RHOBTB1: variants seen among roughly 807,000 people sequenced by gnomAD.
RHOBTB1 encodes Rho related BTB domain containing 1.
RHOBTB1 carries 40 observed loss-of-function variants against 71.6 expected under a neutral mutation model. That is an observed-to-expected ratio of 0.56 (90% CI 0.43 to 0.73). The LOEUF is 0.73. Among genes scored for constraint, RHOBTB1 ranks in the 30% least tolerant of loss-of-function variants. The probability of loss-of-function intolerance (pLI) is 0.00; values close to 1 mark genes in which losing one functional copy is unlikely to be tolerated. For missense variants in RHOBTB1, 797 were observed against 894.0 expected (o/e 0.89, Z 1.38); for synonymous variants, 319 against 334.9 (o/e 0.95, Z 0.52).
Position 60,893,000 on chromosome 10 carries a change from A to G in RHOBTB1, c.297-5T>C. On this transcript the variant is annotated splice_polypyrimidine_tract_variant and splice_region_variant and intron_variant, in intron 4 of 10. Coordinates refer to ENST00000337910, the MANE Select transcript of RHOBTB1 (RefSeq NM_014836.5). ...CAGAGGACCACAACATCAGACCTAA[A>G]AGGAAATCATAAAAGAAGCTTGTAT... 1 of 1,606,288 alleles carries G rather than the reference A, an allele frequency of 6.2e-7. No individual in the cohort carries two copies. Among genetic ancestry groups the G allele is most frequent in the South Asian group, 1.1e-5 (1 of 89,670 alleles).
At chr10:60,861,479 T>C in the RHOBTB1 span, among the ~76,000 whole-genome samples, 1 of 152,164 alleles carries the variant, frequency 6.6e-6, no homozygotes, top group Non-Finnish European at 1.5e-5. Flanking sequence ...ATCTTTAACC[T>C]GGCAGGCTTT....
chr10:60,938,294 T>C (rs1197042336), intron 2 of RHOBTB1, among the ~76,000 whole-genome samples: 11 of 152,204 alleles, frequency 7.2e-5, no homozygotes, highest in Admixed American at 2.0e-4. Context: ...TCAGGCTACA[T>C]TGGAAGATTT....
intron 1 of RHOBTB1, among the ~76,000 whole-genome samples, chr10:60,998,554 G>T (rs1221715558): frequency 6.6e-6 from 1 of 152,158 alleles, no homozygotes; most frequent in African/African-American, 2.4e-5. Context: ...AAGGTGTTCA[G>T]AAGAAGACTC....
At chr10:60,923,090 T>C (rs927933200) in intron 2 of RHOBTB1, among the ~76,000 whole-genome samples, 3 of 152,226 alleles carry the variant, frequency 2.0e-5, no homozygotes, top group Non-Finnish European at 4.4e-5. Context: ...ACAGAGCCTA[T>C]GGTTATCCAA....
chr10:60,912,475 T>G (rs1030861498), intron 2 of RHOBTB1, among the ~76,000 whole-genome samples: 1 of 151,882 alleles, frequency 6.6e-6, no homozygotes, highest in African/African-American at 2.4e-5. Context: ...TCAAGTGATC[T>G]CCCCACCTTG....
At chr10:60,882,211 A>T (rs1366609949) in intron 7 of RHOBTB1, among the ~76,000 whole-genome samples, 1 of 152,068 alleles carries the variant, frequency 6.6e-6, no homozygotes, top group Non-Finnish European at 1.5e-5. Flanking sequence ...CTTAAAAAAA[A>T]AAAAAGAGTG....
chr10:60,875,058 G>T lies in RHOBTB1; in HGVS notation c.1727-16C>A. On this transcript the variant is annotated splice_polypyrimidine_tract_variant and intron_variant, in intron 8 of 10. Coordinates refer to ENST00000337910, the MANE Select transcript of RHOBTB1 (RefSeq NM_014836.5). ...GCATGCTGTTCTGGGGAAGAGAGAG[G>T]GGGCAGGAGAACATTAAACCACGCC... 1 of 1,608,274 alleles carries T rather than the reference G, an allele frequency of 6.2e-7. No homozygotes were observed. The highest frequency in any genetic ancestry group is 8.5e-7 in the Non-Finnish European group (1 of 1,174,766).
At chr10:60,947,957 T>C (rs1212845582), upstream of RHOBTB1, among the ~76,000 whole-genome samples, 1 of 152,210 alleles carries the variant, frequency 6.6e-6, no homozygotes, top group African/African-American at 2.4e-5. Flanking sequence ...GATCTCCACA[T>C]CCTCACTAGC....
At chr10:60,972,644 C>G (rs1373576674) in intron 2 of RHOBTB1, among the ~76,000 whole-genome samples, 1 of 151,922 alleles carries the variant, frequency 6.6e-6, no homozygotes, top group Non-Finnish European at 1.5e-5. Flanking sequence ...TGTAACAAAC[C>G]TGTATGTTCT....
intron 2 of RHOBTB1, among the ~76,000 whole-genome samples, chr10:60,979,217 T>C (rs765183985): frequency 6.6e-6 from 1 of 152,214 alleles, no homozygotes; most frequent in African/African-American, 2.4e-5. Context: ...TTCATCTGTA[T>C]CTACCTTTTT....
intron 2 of RHOBTB1, among the ~76,000 whole-genome samples, chr10:60,955,912 TCTCA>T (rs1565130082): frequency 6.6e-6 from 1 of 152,242 alleles, no homozygotes; most frequent in East Asian, 1.9e-4. Flanking sequence ...TTATTAATTT[TCTCA>T]CTCAACACAT....
At chr10:60,871,749 A>G in intron 10 of RHOBTB1, 98 bp from the exon 11 acceptor site, 1 of 1,148,210 alleles carries the variant, frequency 8.7e-7, no homozygotes, top group Non-Finnish European at 1.2e-6. Context: ...TCCTCTCAAA[A>G]ACGTGATGCG....
chr10:60,953,647 G>T (rs2085487993), intron 2 of RHOBTB1, among the ~76,000 whole-genome samples: 1 of 152,064 alleles, frequency 6.6e-6, no homozygotes, highest in Admixed American at 6.6e-5. Context: ...TGTAATTACA[G>T]TATACAGTAT....
chr10:60,964,547 T>C (rs1254913338), intron 2 of RHOBTB1, among the ~76,000 whole-genome samples: 1 of 152,152 alleles, frequency 6.6e-6, no homozygotes, highest in Non-Finnish European at 1.5e-5. Flanking sequence ...TCTTGCCAGA[T>C]AAAAATTTCT....
intron 1 of RHOBTB1, among the ~76,000 whole-genome samples, chr10:60,987,604 A>C (rs2086709348): frequency 1.3e-5 from 2 of 152,080 alleles, no homozygotes; most frequent in South Asian, 4.2e-4. Flanking sequence ...CTCTCATCTA[A>C]TGTGTTCCTG....
At chr10:60,968,388 GT>G (rs1238284765) in intron 2 of RHOBTB1, among the ~76,000 whole-genome samples, 3 of 152,104 alleles carry the variant, frequency 2.0e-5, no homozygotes, top group African/African-American at 4.8e-5. Context: ...CTAGTTCAAT[GT>G]TTTAAAACAG....
chr10:60,958,309 C>G (rs1007109969), intron 2 of RHOBTB1, among the ~76,000 whole-genome samples: 1 of 152,146 alleles, frequency 6.6e-6, no homozygotes, highest in Non-Finnish European at 1.5e-5. Flanking sequence ...GTTAAACTCT[C>G]ATTTCTTTAG....
chr10:60,867,803 T>G (rs777066445), downstream of RHOBTB1, among the ~76,000 whole-genome samples: 10 of 152,204 alleles, frequency 6.6e-5, no homozygotes, highest in Non-Finnish European at 8.8e-5. Flanking sequence ...AAGTGTAGCT[T>G]TTAAAGGAGG....
intron 1 of RHOBTB1, among the ~76,000 whole-genome samples, chr10:60,986,406 TATATATATATATATATATATATATAAA>T (rs1420082918): frequency 1.1e-5 from 1 of 94,902 alleles, no homozygotes; most frequent in East Asian, 2.8e-4. Flanking sequence ...AAATAAAAGA[TATATATATATATATATATATATATAAA>T]ATATATATAG....
Sources: allele counts gnomAD v4.1 joint callset (sites outside exome capture counted in the v4.1 genomes callset), GRCh38; gene constraint gnomAD v4.1.1; transcripts MANE v1.5; gene names NCBI Gene and HGNC (gene_info 2026-07-23, HGNC 2026-07-21).